The following AIM2 variants were observed in gnomAD, a reference collection of about 807,000 sequenced individuals.
AIM2 encodes the protein absent in melanoma 2, also known as interferon-inducible protein AIM2.
Under a neutral mutation model 27.7 loss-of-function variants are expected in AIM2, and 30 were observed. That is an observed-to-expected ratio of 1.08 (90% confidence interval 0.81 to 1.47). The LOEUF (loss-of-function observed/expected upper bound fraction) is 1.47. Ranked by LOEUF, AIM2 falls within the 40% of genes most tolerant of loss-of-function variation. The probability of loss-of-function intolerance (pLI) is 0.00; values close to 1 mark genes in which losing one functional copy is unlikely to be tolerated. For synonymous variants in AIM2, 141 were observed against 145.3 expected, an observed-to-expected ratio of 0.97 and a Z score of 0.21; for missense variants, 358 against 411.3, an observed-to-expected ratio of 0.87 and a Z score of 1.12.
chr1:159,104,583 T>C (rs1373166896), intron 1 of AIM2, among the ~76,000 whole-genome samples: 3 of 152,218 alleles, frequency 2.0e-5, no homozygotes, highest in Non-Finnish European at 2.9e-5. Flanking sequence ...AAAGACTTAA[T>C]ACAAAAAATG....
Position 159,063,541 on chromosome 1 carries a change from A to G in AIM2, c.950T>C (p.Leu317Pro), listed in dbSNP as rs753715706. 2.5e-6 allele frequency: 4 copies of G among 1,613,958 alleles called. No homozygotes were observed. The highest frequency in any genetic ancestry group is 3.4e-6 in the Non-Finnish European group (4 of 1,179,952). Residue 317 changes from leucine (L) to proline (P), a missense_variant, in exon 5 of 6, where the codon CTG (leucine) becomes CCG (proline). By Grantham distance (98) the Leu-to-Pro change is moderately conservative (BLOSUM62 -3). Coordinates refer to ENST00000368130, the MANE Select transcript of AIM2 (RefSeq NM_004833.3). Reference protein sequence around the residue: ...GDKVRLTFFTLSKNGEKLQLT... With the variant: ...GDKVRLTFFTPSKNGEKLQLT... Reference sequence around the variant, plus strand: ...CTGTAGTTTTTCTCCATTTTTTGACAGTGTGAAGAATGTAAGTCGAACCTT... The same window carrying G: ...CTGTAGTTTTTCTCCATTTTTTGACGGTGTGAAGAATGTAAGTCGAACCTT...
At chr1:159,100,265 C>G (rs192767681) in intron 1 of AIM2, among the ~76,000 whole-genome samples, 1 of 152,300 alleles carries the variant, frequency 6.6e-6, no homozygotes, top group East Asian at 1.9e-4. Flanking sequence ...TACTGTTTCT[C>G]TACTGCAACT....
chr1:159,134,608 G>T (rs1211198248), intron 1 of AIM2, among the ~76,000 whole-genome samples: 1 of 152,166 alleles, frequency 6.6e-6, no homozygotes, highest in African/African-American at 2.4e-5. Context: ...GAGGCGGGTG[G>T]ATTACCTGAG....
intron 1 of AIM2, among the ~76,000 whole-genome samples, chr1:159,119,758 C>T (rs1032797259): frequency 4.1e-4 from 63 of 151,960 alleles, no homozygotes; most frequent in African/African-American, 1.4e-3. Flanking sequence ...CATGTATTTT[C>T]GTTCTCACCC....
At chr1:159,143,639 CATAA>C (rs1399976165), upstream of AIM2, among the ~76,000 whole-genome samples, 280 of 147,960 alleles carry the variant, frequency 1.9e-3, 1 homozygote, top group African/African-American at 6.6e-3. Context: ...CACTGCTCTT[CATAA>C]ATATATTGTC....
chr1:159,072,129 C>T (rs1008879336), intron 2 of AIM2, among the ~76,000 whole-genome samples: 2 of 152,172 alleles, frequency 1.3e-5, no homozygotes, highest in Non-Finnish European at 2.9e-5. Context: ...AAACACAGGG[C>T]AATGTTTTGG....
At position 159,085,572 on chromosome 1, in the gene AIM2, T is replaced by A. The variant is rs144980659; in HGVS notation, c.-15-19243A>T. Among the ~76,000 whole-genome samples the A allele has an allele frequency of 2.8e-4, 42 of 152,296 alleles. No individual in the cohort carries two copies. In the East Asian group the frequency reaches 7.7e-3, roughly 28 times the overall value. ...AGATGTTTAATTGAATATATAAGCC[T>A]GGAGCTTAGACGAAAGGTCAGAACT... is the stretch of plus-strand genomic sequence containing the variant. On this transcript the variant is annotated intron_variant, in intron 1 of 2. Coordinates refer to the AIM2 transcript ENST00000368129.
upstream of AIM2, among the ~76,000 whole-genome samples, chr1:159,078,458 G>T (rs1181790923): frequency 1.3e-5 from 2 of 152,196 alleles, no homozygotes; most frequent in Non-Finnish European, 2.9e-5. Context: ...TATGAATTTG[G>T]TAACCTACTG....
At chr1:159,084,792 C>CACACACACAA (rs904332213) in intron 1 of AIM2, among the ~76,000 whole-genome samples, 3 of 149,316 alleles carry the variant, frequency 2.0e-5, no homozygotes, top group Admixed American at 2.0e-4. Flanking sequence ...CACACACACA[C>CACACACACAA]ACACACACAC....
Position 159,127,709 on chromosome 1 carries a change from C to T in AIM2, c.-16+12722G>A, listed in dbSNP as rs372443336. On this transcript the variant is annotated intron_variant, in intron 1 of 2. Transcript: ENST00000368129. The stretch of plus-strand genomic sequence containing the variant: ...GTTCCTTGTTTCCACCACATGAGGA[C>T]ATAGCCATCTATGGGTCAGCAAGTG... 5.1e-4 allele frequency among the ~76,000 whole-genome samples: 77 copies of T among 152,306 alleles called. 1 individual carries two copies. Among genetic ancestry groups the T allele is most frequent in the African/African-American group, 1.8e-3 (76 of 41,568 alleles).
At chr1:159,057,356 T>C in the AIM2 span, among the ~76,000 whole-genome samples, 2 of 152,100 alleles carry the variant, frequency 1.3e-5, no homozygotes, top group African/African-American at 4.8e-5. Flanking sequence ...TGGAATTGAG[T>C]CCTCCTCCAA....
At chr1:159,083,317 A>G (rs1448975621) in intron 1 of AIM2, among the ~76,000 whole-genome samples, 2 of 152,230 alleles carry the variant, frequency 1.3e-5, no homozygotes, top group South Asian at 2.1e-4. Context: ...GTAAATTTGT[A>G]TCTTCTATTG....
At chr1:159,135,087 A>T (rs968084525) in intron 1 of AIM2, among the ~76,000 whole-genome samples, 1 of 152,144 alleles carries the variant, frequency 6.6e-6, no homozygotes, top group African/African-American at 2.4e-5. Context: ...GCAGCTTTAC[A>T]TGTTTTTCTG....
upstream of AIM2, among the ~76,000 whole-genome samples, chr1:159,080,539 T>A (rs1260660128): frequency 6.6e-6 from 1 of 152,202 alleles, no homozygotes; most frequent in Non-Finnish European, 1.5e-5. Context: ...ATGCTAATTT[T>A]AAAAAATGTA....
downstream of AIM2, among the ~76,000 whole-genome samples, chr1:159,061,947 G>A (rs1655852374): frequency 6.6e-6 from 1 of 152,008 alleles, no homozygotes; most frequent in Non-Finnish European, 1.5e-5. Context: ...AAGTTTTATG[G>A]TTTTAGCTGT....
intron 1 of AIM2, among the ~76,000 whole-genome samples, chr1:159,139,308 C>G (rs1570985765): frequency 1.3e-5 from 2 of 152,226 alleles, no homozygotes; most frequent in African/African-American, 4.8e-5. Flanking sequence ...AGGGTGGCAT[C>G]TGCCCCTGCT....
chr1:159,130,155 C>T (rs1457419669), intron 1 of AIM2, among the ~76,000 whole-genome samples: 1 of 152,216 alleles, frequency 6.6e-6, no homozygotes, highest in Non-Finnish European at 1.5e-5. Context: ...TTTCTTCCTG[C>T]CTATCTGGCC....
chr1:159,130,037 C>T (rs1027086366), intron 1 of AIM2, among the ~76,000 whole-genome samples: 1 of 152,204 alleles, frequency 6.6e-6, no homozygotes, highest in African/African-American at 2.4e-5. Flanking sequence ...CATGTATTAC[C>T]AAATCCTAAA....
intron 1 of AIM2, among the ~76,000 whole-genome samples, chr1:159,087,885 T>A (rs1033494902): frequency 4.6e-5 from 7 of 152,190 alleles, no homozygotes; most frequent in African/African-American, 7.2e-5. Flanking sequence ...CTACTTTTTT[T>A]AAATGTAATA....
Sources: gnomAD v4.1 joint callset for allele counts (sites outside exome capture counted in the v4.1 genomes callset) on GRCh38, gnomAD v4.1.1 for gene constraint, MANE v1.5 for transcripts, NCBI Gene and HGNC (gene_info 2026-07-23, HGNC 2026-07-21) for gene names.